The following PRRC2B variants were observed in gnomAD, a reference collection of about 807,000 sequenced individuals.
PRRC2B encodes the protein proline rich coiled-coil 2B.
PRRC2B carries 68 observed loss-of-function variants against 242.3 expected under a neutral mutation model. The ratio of observed to expected loss-of-function variants is 0.28; its 90% confidence interval spans 0.23 to 0.34. The LOEUF is 0.34. PRRC2B is among the 10% of genes least tolerant of loss of function. PRRC2B has a pLI of 1.00. For synonymous variants in PRRC2B, 1,228 were observed against 1,173.6 expected (o/e 1.05, Z -0.95); for missense variants, 2,835 against 2,954.8 (o/e 0.96, Z 0.94).
At chr9:131,491,856 T>G (rs1030181077) in intron 29 of PRRC2B, among the ~76,000 whole-genome samples, 1 of 152,178 alleles carries the variant, frequency 6.6e-6, no homozygotes, top group Non-Finnish European at 1.5e-5. Context: ...CACTTCACTT[T>G]AAAAAGAACA....
chr9:131,414,602 G>A (rs1837595250), intron 1 of PRRC2B, among the ~76,000 whole-genome samples: 1 of 145,776 alleles, frequency 6.9e-6, no homozygotes, highest in Non-Finnish European at 1.5e-5. Context: ...TGGAGTCTCT[G>A]CTGTGTCGCC....
chr9:131,438,579 C>T (rs1019252433), intron 4 of PRRC2B, among the ~76,000 whole-genome samples: 2 of 152,102 alleles, frequency 1.3e-5, no homozygotes, highest in Non-Finnish European at 2.9e-5. Context: ...TTAGCAGCTG[C>T]GCAGTTTTAA....
chr9:131,406,059 G>A (rs572035897), intron 1 of PRRC2B, among the ~76,000 whole-genome samples: 6 of 152,270 alleles, frequency 3.9e-5, no homozygotes, highest in East Asian at 1.9e-4. Flanking sequence ...TCCATAGACC[G>A]CAGCTATTAA....
chr9:131,451,544 A>G (rs1358595512), intron 9 of PRRC2B, among the ~76,000 whole-genome samples: 1 of 152,194 alleles, frequency 6.6e-6, no homozygotes, highest in Non-Finnish European at 1.5e-5. Context: ...GGAGTTTTAC[A>G]TTGTCTTTTT....
chr9:131,495,669 G>A, intron 31 of PRRC2B, 71 bp from the exon 32 acceptor site: 3 of 1,533,056 alleles, frequency 2.0e-6, no homozygotes, highest in Non-Finnish European at 2.7e-6. Context: ...GGAAGGGAGT[G>A]GTGGGAACTA....
At position 131,482,208 on chromosome 9, in the gene PRRC2B, G is replaced by A. The variant is rs1214167572; in HGVS notation, c.4984-163G>A. Among the ~76,000 whole-genome samples, 1 of 152,198 alleles carries A rather than the reference G, an allele frequency of 6.6e-6. No individual in the cohort carries two copies. The highest frequency in any genetic ancestry group is 1.5e-5 in the Non-Finnish European group (1 of 68,046). On this transcript the variant is annotated intron_variant, in intron 20 of 31. Transcript: ENST00000683519. This position sits in a 1 kb window ranked among gnomAD's most constrained non-coding sequence, Gnocchi z 5.2. ...TCGGGGTTGGTGTGTTTGGCCACAC[G>A]TAAGTTGTCAGGCATCCTCAGCAGG...
chr9:131,417,706 C>G (rs914923), intron 1 of PRRC2B, among the ~76,000 whole-genome samples: 1 of 152,152 alleles, frequency 6.6e-6, no homozygotes, highest in Non-Finnish European at 1.5e-5. Context: ...CTCAGTCTTT[C>G]TGCCATGTTT....
At position 131,387,079 on chromosome 9, in the gene PRRC2B, G is replaced by T. The variant is rs896776113; in HGVS notation, c.-56+13348G>T. ...TGCAATGGCACGATCTCGGCTCACC[G>T]CCACCTCAGCCTTCCGGGTTCAAGC... On this transcript the variant is annotated intron_variant, in intron 1 of 1. Coordinates refer to the PRRC2B transcript ENST00000682525. Among the ~76,000 whole-genome samples, 2 of 149,562 alleles carry T rather than the reference G, an allele frequency of 1.3e-5. 1 individual carries two copies. Among genetic ancestry groups the T allele is most frequent in the Non-Finnish European group, 3.0e-5 (2 of 67,396 alleles).
At chr9:131,423,837 G>A (rs900585764) in intron 1 of PRRC2B, among the ~76,000 whole-genome samples, 1 of 152,150 alleles carries the variant, frequency 6.6e-6, no homozygotes. Flanking sequence ...GCAGTGACTC[G>A]CCTGGTTCCT....
chr9:131,391,640 T>C (rs1305795364), upstream of PRRC2B, among the ~76,000 whole-genome samples: 1 of 152,174 alleles, frequency 6.6e-6, no homozygotes, highest in Non-Finnish European at 1.5e-5. Flanking sequence ...GTTTTATGGG[T>C]ATGTCGTGAG....
chr9:131,393,775 C>G (rs555696289), upstream of PRRC2B, among the ~76,000 whole-genome samples: 26 of 151,150 alleles, frequency 1.7e-4, no homozygotes, highest in East Asian at 4.4e-3. Flanking sequence ...CTTCTCTTGG[C>G]TCCTGGCCCC....
intron 3 of PRRC2B, among the ~76,000 whole-genome samples, chr9:131,435,680 A>G (rs2131333564): frequency 6.6e-6 from 1 of 152,290 alleles, no homozygotes; most frequent in South Asian, 2.1e-4. Context: ...AAGGGGGAAG[A>G]AAAACCCATA....
At position 131,487,284 on chromosome 9, in the gene PRRC2B, C is replaced by A. The variant is rs750761369; in HGVS notation, c.5974C>A (p.Gln1992Lys). 1.9e-6 allele frequency: 3 copies of A among 1,608,570 alleles called. No homozygotes were observed. The highest frequency in any genetic ancestry group is 2.5e-6 in the Non-Finnish European group (3 of 1,177,048). The change falls in exon 27 of 32, where the codon CAG becomes AAG. Residue 1992 changes from glutamine (Q) to lysine (K), a missense_variant. By Grantham distance (53) the Gln-to-Lys change is moderately conservative. Around this residue, in one of 7 missense-constraint regions of PRRC2B, gnomAD observed 574 missense variants for 626.0 expected, o/e 0.92. Coordinates refer to ENST00000683519, the MANE Select transcript of PRRC2B (RefSeq NM_013318.4). The surrounding 1 kb of genome is among the most constrained non-coding windows in gnomAD (Gnocchi z 5.3). ...SQSQEIFSSL[Q>K]PFRSQVYMHP... is the part of the protein sequence containing the mutation. ...GTCCCAGGAGATCTTCAGCTCCTTG[C>A]AGCCCTTCAGGTGAGCTCATGTACC...
rs1943915417 is a variant in PRRC2B, at chr9:131,483,042, A to T, written c.5373+135A>T. ...AGCCAAGCAGTCTTCCAGCGGCTAG[A>T]GTGTTGGTGTGGAGTCCTGCACATG... On this transcript the variant is annotated intron_variant, in intron 22 of 31. Coordinates refer to ENST00000683519, the MANE Select transcript of PRRC2B (RefSeq NM_013318.4). 3 of 1,077,430 alleles carry T rather than the reference A, an allele frequency of 2.8e-6. No individual in the cohort carries two copies. In the East Asian group the frequency reaches 7.7e-5, roughly 28 times the overall value. The allele number at this position is 1,077,430 out of a possible 1,614,324, so 66.7% of individuals were successfully genotyped here. A position where few individuals can be genotyped will look rare whatever the true frequency, so the allele number is the denominator to read the frequency against.
In PRRC2B at chr9:131,474,856, C is replaced by G. The variant is rs750161337; in HGVS notation, c.2727C>G (p.Asn909Lys). The G allele has an allele frequency of 1.2e-6, 2 of 1,609,050 alleles. No individual in the cohort carries two copies. The highest frequency in any genetic ancestry group is 8.5e-7 in the Non-Finnish European group (1 of 1,178,254). The stretch of plus-strand genomic sequence containing the variant: ...CCTGGGACAAGAACGGGAGCCCCAA[C>G]AAACAGCCATCCTCGGAGCCTGAAT... Reference protein sequence around the residue: ...ISSWDKNGSPNKQPSSEPEWT... With the variant: ...ISSWDKNGSPKKQPSSEPEWT... The change falls in exon 16 of 32, where the codon AAC becomes AAG. Residue 909 changes from asparagine (N) to lysine (K), a missense_variant. By Grantham distance (94) the Asn-to-Lys change is moderately conservative (BLOSUM62 0). Coordinates refer to ENST00000683519, the MANE Select transcript of PRRC2B (RefSeq NM_013318.4).
At position 131,378,875 on chromosome 9, in the gene PRRC2B, C is replaced by T. The variant is rs369709274; in HGVS notation, c.-56+5144C>T. Among the ~76,000 whole-genome samples, 12 of 152,216 alleles carry T rather than the reference C, an allele frequency of 7.9e-5. No homozygotes were observed. In the East Asian group the frequency reaches 2.1e-3, roughly 27 times the overall value. ...CTGGGACTGCAGGTATCTGCCACCA[C>T]ACCCGGCTAATTTTTGTATTTTTAG... On this transcript the variant is annotated intron_variant, in intron 1 of 1. Coordinates refer to the PRRC2B transcript ENST00000682525.
chr9:131,417,106 G>A (rs939365487), intron 1 of PRRC2B, among the ~76,000 whole-genome samples: 2 of 152,062 alleles, frequency 1.3e-5, no homozygotes, highest in Non-Finnish European at 2.9e-5. Context: ...CTGGATGGGA[G>A]GCTGGCCTTT....
intron 29 of PRRC2B, 109 bp downstream of exon 29, chr9:131,491,689 C>T (rs1003632776): frequency 1.3e-5 from 14 of 1,074,414 alleles, no homozygotes; most frequent in Non-Finnish European, 1.8e-5. Context: ...TGGCGTGGGA[C>T]TGCCAGGGCA....
rs370747268 is a variant in PRRC2B, at chr9:131,486,216, G to A, written c.5856+34G>A. 12 of 1,429,252 alleles carry A rather than the reference G, an allele frequency of 8.4e-6. No homozygotes were observed. In the East Asian group the frequency reaches 1.2e-4, roughly 14 times the overall value. The allele number at this position is 1,429,252 out of a possible 1,614,324, so 88.5% of individuals were successfully genotyped here. On this transcript the variant is annotated intron_variant, in intron 26 of 31. Transcript: ENST00000683519. ...AGCTAGCCAGGTGGCCTGGCTGGGG[G>A]TGGTGGGGAGGAGCCAGTGCAGGGC...
Sources: allele counts gnomAD v4.1 joint callset (sites outside exome capture counted in the v4.1 genomes callset), GRCh38; gene constraint gnomAD v4.1.1; regional missense constraint gnomAD v4.1.1; non-coding constraint Gnocchi (gnomAD v3.1); transcripts MANE v1.5; gene names NCBI Gene and HGNC (gene_info 2026-07-23, HGNC 2026-07-21).